RFC1: variants seen among roughly 807,000 people sequenced by gnomAD.
RFC1 encodes the protein replication factor C subunit 1.
Under a neutral mutation model 137.4 loss-of-function variants are expected in RFC1, and 37 were observed. The observed-to-expected ratio is 0.27, with a 90% CI of 0.21 to 0.35. The LOEUF (loss-of-function observed/expected upper bound fraction) is 0.35, where lower values mean the gene tolerates loss of function less well. RFC1 is among the 10% of genes least tolerant of loss of function. The pLI is 1.00. For missense variants in RFC1, 1,205 were observed against 1,358.5 expected (o/e 0.89, Z 1.78); for synonymous variants, 429 against 455.7 (o/e 0.94, Z 0.75).
intron 1 of RFC1, among the ~76,000 whole-genome samples, chr4:39,353,700 T>C (rs1741326842): frequency 2.0e-5 from 3 of 152,232 alleles, no homozygotes; most frequent in Admixed American, 6.5e-5. Flanking sequence ...CTTTTGAAAT[T>C]ACACAGTGAT....
rs1737449473 is a variant in RFC1, at chr4:39,287,728, C to T, written c.*1033G>A. On this transcript the variant is annotated 3_prime_UTR_variant, in exon 25 of 25. Transcript: ENST00000349703. ...GGCTAGGTCCATAGCCTCACGGCCA[C>T]TCAACACATACAGTTATAGGAATAA... The T allele has an allele frequency of 1.3e-5, 2 of 152,198 alleles. No homozygotes were observed. The highest frequency in any genetic ancestry group is 4.8e-5 in the African/African-American group (2 of 41,438). The allele number at this position is 152,198 out of a possible 1,614,324, so 9.4% of individuals were successfully genotyped here. A position where few individuals can be genotyped will look rare whatever the true frequency, so the allele number is the denominator to read the frequency against.
At chr4:39,357,109 C>A (rs769944250) in intron 1 of RFC1, among the ~76,000 whole-genome samples, 3 of 152,176 alleles carry the variant, frequency 2.0e-5, no homozygotes, top group Admixed American at 6.6e-5. Context: ...TGTTCCTAAT[C>A]TTTCTTTAAT....
intron 19 of RFC1, among the ~76,000 whole-genome samples, chr4:39,301,384 C>T (rs1022144860): frequency 6.6e-6 from 1 of 152,166 alleles, no homozygotes; most frequent in African/African-American, 2.4e-5. Context: ...TTTGTCAAAA[C>T]CACACAACGT....
chr4:39,337,112 C>T (rs969903746), intron 4 of RFC1, among the ~76,000 whole-genome samples: 20 of 152,262 alleles, frequency 1.3e-4, no homozygotes, highest in African/African-American at 4.3e-4. Flanking sequence ...CAGTGGCTCA[C>T]GCCTATAATC....
In RFC1 at chr4:39,300,311, G is replaced by A. The variant is rs755790926; in HGVS notation, c.2639C>T (p.Ala880Val). 1.4e-5 allele frequency: 22 copies of A among 1,613,990 alleles called. No individual in the cohort carries two copies. In the Middle Eastern group the frequency reaches 4.9e-4, roughly 36 times the overall value. The change falls in exon 20 of 25, where the codon GCA (alanine) becomes GTA (valine). Residue 880 changes from alanine (A) to valine (V), a missense_variant. This residue lies in a region of RFC1 where 962 missense variants were observed against 1,035.3 expected (regional missense o/e 0.93). Coordinates refer to ENST00000349703, the MANE Select transcript of RFC1 (RefSeq NM_002913.5). The stretch of plus-strand genomic sequence containing the variant: ...GTAATTTTCCTGGACGAAGAGGGGT[G>A]CTATTGAATAATCATGAAAAAAGAG... ...SDLFFHDYSI[A>V]PLFVQENYIH...
At chr4:39,341,430 A>T (rs918620270) in intron 4 of RFC1, 6 of 359,518 alleles carry the variant, frequency 1.7e-5, no homozygotes, top group Non-Finnish European at 3.3e-5. Flanking sequence ...ACCTGCCCAT[A>T]ACAAAGAAAC....
chr4:39,345,035 T>C (rs1740778728), intron 3 of RFC1, among the ~76,000 whole-genome samples: 1 of 152,180 alleles, frequency 6.6e-6, no homozygotes, highest in Non-Finnish European at 1.5e-5. Context: ...TTTTTGTTTT[T>C]TCTTGAGACA....
intron 4 of RFC1, among the ~76,000 whole-genome samples, chr4:39,330,326 A>C (rs1339396543): frequency 6.6e-6 from 1 of 152,198 alleles, no homozygotes; most frequent in Non-Finnish European, 1.5e-5. Context: ...AAATGAAACT[A>C]TAAATTTTGC....
At chr4:39,365,341 G>T in intron 1 of RFC1, 3 of 411,614 alleles carry the variant, frequency 7.3e-6, no homozygotes, top group Non-Finnish European at 9.8e-6. Flanking sequence ...TTGTCACTGT[G>T]ACACGTTGAC....
In RFC1 at chr4:39,366,249, C is replaced by G; in HGVS notation, c.-8G>C. The stretch of plus-strand genomic sequence containing the variant: ...CCCCCAGCGGCTCACCATCGCAGCC[C>G]CAGGATGAAGGCGCTGGCTGGCTGG... On this transcript the variant is annotated 5_prime_UTR_variant, in exon 1 of 25. Transcript: ENST00000349703. 6.5e-7 allele frequency: 1 copy of G among 1,547,228 alleles called. No individual in the cohort carries two copies.
At chr4:39,304,583 C>T (rs188549484) in intron 15 of RFC1, among the ~76,000 whole-genome samples, 56 of 152,126 alleles carry the variant, frequency 3.7e-4, no homozygotes, top group African/African-American at 1.3e-3. Context: ...TCATGAAAAA[C>T]GAATATGTGC....
rs1387924006 is a variant in RFC1, at chr4:39,288,752, A to G, written c.*9T>C. Reference sequence around the variant, plus strand: ...AGTAAAAAGTGGCTGTCGCTAGTGAAAAATGGTTTCATTTCTTCGAACTTT... The same window carrying G: ...AGTAAAAAGTGGCTGTCGCTAGTGAGAAATGGTTTCATTTCTTCGAACTTT... On this transcript the variant is annotated 3_prime_UTR_variant, in exon 25 of 25. Transcript: ENST00000349703. The G allele has an allele frequency of 1.9e-6, 3 of 1,594,476 alleles. No homozygotes were observed. Among genetic ancestry groups the G allele is most frequent in the South Asian group, 2.2e-5 (2 of 90,400 alleles).
intron 19 of RFC1, 60 bp from the exon 20 acceptor site, chr4:39,300,474 C>A: frequency 1.6e-6 from 2 of 1,214,710 alleles, no homozygotes; most frequent in Non-Finnish European, 2.4e-6. Flanking sequence ...GTAACATCAC[C>A]AAATGCTAAC....
intron 1 of RFC1, among the ~76,000 whole-genome samples, chr4:39,361,410 A>C (rs1320596666): frequency 1.3e-5 from 2 of 152,180 alleles, no homozygotes; most frequent in Admixed American, 1.3e-4. Context: ...ATCAATCAAT[A>C]AAATATTTAA....
At chr4:39,288,949 AAAG>A (rs1279448618) in intron 24 of RFC1, 105 bp from the exon 25 acceptor site, 1 of 790,160 alleles carries the variant, frequency 1.3e-6, no homozygotes, top group Non-Finnish European at 2.1e-6. Context: ...CTTAATTAAA[AAAG>A]AAGAGAGGCT....
chr4:39,336,245 T>A (rs1175406811), intron 4 of RFC1, among the ~76,000 whole-genome samples: 1 of 152,222 alleles, frequency 6.6e-6, no homozygotes, highest in Non-Finnish European at 1.5e-5. Flanking sequence ...ATCAGTGACC[T>A]TTGAATCATC....
rs746513047 is a variant in RFC1, at chr4:39,319,688, G to A, written c.1095+695C>T. On this transcript the variant is annotated intron_variant, in intron 9 of 24. Transcript: ENST00000349703. ...TATATACAGCAGTCCCCCTTTATCC[G>A]AGGAGGGTATGTTCCAAGACCACCC... Among the ~76,000 whole-genome samples the A allele has an allele frequency of 8.3e-4, 127 of 152,098 alleles. 1 individual carries two copies. The highest frequency in any genetic ancestry group is 1.9e-4 in the East Asian group (1 of 5,184).
intron 10 of RFC1, among the ~76,000 whole-genome samples, chr4:39,313,568 T>C (rs1047190890): frequency 2.6e-5 from 4 of 152,186 alleles, no homozygotes; most frequent in East Asian, 3.8e-4. Flanking sequence ...AACTCATGGA[T>C]TGTACAAGAA....
At chr4:39,311,001 C>T (rs1404867762) in intron 12 of RFC1, among the ~76,000 whole-genome samples, 3 of 151,790 alleles carry the variant, frequency 2.0e-5, no homozygotes, top group Non-Finnish European at 4.4e-5. Flanking sequence ...AATTAGCAGG[C>T]GTGGTGTCAG....
Sources: allele counts gnomAD v4.1 joint callset (sites outside exome capture counted in the v4.1 genomes callset), GRCh38; gene constraint gnomAD v4.1.1; regional missense constraint gnomAD v4.1.1; transcripts MANE v1.5; gene names NCBI Gene and HGNC (gene_info 2026-07-23, HGNC 2026-07-21).